Variants in CNTRL observed in about 807,000 individuals in gnomAD.
CNTRL encodes the protein 110 kDa centrosomal protein.
A neutral mutation model predicts 303.7 loss-of-function variants in CNTRL; 233 were observed. That is an observed-to-expected ratio of 0.77 (90% CI 0.69 to 0.86). The LOEUF is 0.86. CNTRL is among the 40% of genes least tolerant of loss of function. CNTRL has a pLI of 0.00. For synonymous variants in CNTRL, 900 were observed against 922.2 expected (o/e 0.98, Z 0.44); for missense variants, 2,524 against 2,650.6 (o/e 0.95, Z 1.05).
In CNTRL at chr9:121,113,549, AT is replaced by A; in HGVS notation, c.1171del (p.Ser391ProfsTer37). On this transcript the variant is annotated frameshift_variant, in exon 10 of 44. Coordinates refer to ENST00000373855, the MANE Select transcript of CNTRL (RefSeq NM_007018.6). LOFTEE classifies it high-confidence loss of function. The stretch of plus-strand genomic sequence containing the variant: ...CAGATGAAAGCCCTTACATTGGCAA[AT>A]CCAGATACAAGAGAAATATGTTTGC... ...APDESPYIGK[S>X]RYKRNMFATE... 1 of 1,606,856 alleles carries A rather than the reference AT, an allele frequency of 6.2e-7. No individual in the cohort carries two copies. Among genetic ancestry groups the A allele is most frequent in the Non-Finnish European group, 8.5e-7 (1 of 1,178,050 alleles).
At position 121,090,922 on chromosome 9, in the gene CNTRL, G is replaced by C. The variant is rs147587775; in HGVS notation, c.348+517G>C. On this transcript the variant is annotated intron_variant, in intron 4 of 43. Coordinates refer to ENST00000373855, the MANE Select transcript of CNTRL (RefSeq NM_007018.6). ...ACGTGGCTGGGGAAGCCTCACAATC[G>C]TGGTGGAAGGCAAAGAGGAGCAAGT... is the stretch of plus-strand genomic sequence containing the variant. 1.3e-3 allele frequency among the ~76,000 whole-genome samples: 203 copies of C among 152,310 alleles called. 2 individuals are homozygous for C. Among genetic ancestry groups the C allele is most frequent in the African/African-American group, 4.5e-3 (185 of 41,562 alleles).
rs140149582 is a variant in CNTRL, at chr9:121,090,388, G to C, written c.331G>C (p.Gly111Arg). ...KSLNLSLSKD[G>R]GKKFKYIENL... ...TCTGAACCTTTCACTTTCTAAAGAC[G>C]GTGGCAAGAAATTTAAGGTAGGTTA... is the stretch of plus-strand genomic sequence containing the variant. The change falls in exon 4 of 44, where the codon GGT (glycine) becomes CGT (arginine). Residue 111 changes from glycine to arginine, a missense_variant. Gly to Arg is a moderately radical substitution (Grantham distance 125, BLOSUM62 -2). Transcript: ENST00000373855. 4 of 1,609,532 alleles carry C rather than the reference G, an allele frequency of 2.5e-6. No individual in the cohort carries two copies. Among genetic ancestry groups the C allele is most frequent in the Non-Finnish European group, 3.4e-6 (4 of 1,178,388 alleles).
At position 121,104,063 on chromosome 9, in the gene CNTRL, G is replaced by A. The variant is rs557006952; in HGVS notation, c.809-3739G>A. Reference sequence around the variant, plus strand: ...GGATTGTAAATCATGCCACTATAAAGACACACGCACACATATGTTTATTGC... The same window carrying A: ...GGATTGTAAATCATGCCACTATAAAAACACACGCACACATATGTTTATTGC... On this transcript the variant is annotated intron_variant, in intron 7 of 43. Transcript: ENST00000373855. Among the ~76,000 whole-genome samples, 14 of 152,296 alleles carry A rather than the reference G, an allele frequency of 9.2e-5. No individual in the cohort carries two copies. In the South Asian group the frequency reaches 2.1e-3, roughly 23 times the overall value.
chr9:121,079,917 G>T (rs929919423), intron 1 of CNTRL, among the ~76,000 whole-genome samples: 1 of 151,910 alleles, frequency 6.6e-6, no homozygotes, highest in Non-Finnish European at 1.5e-5. Context: ...AGGGTGGAGC[G>T]CAGGGGCACG....
Position 121,138,556 on chromosome 9 carries a change from A to G in CNTRL, c.2214A>G (p.Ser738=). 1 of 1,613,832 alleles carries G rather than the reference A, an allele frequency of 6.2e-7. No individual in the cohort carries two copies. Among genetic ancestry groups the G allele is most frequent in the South Asian group, 1.1e-5 (1 of 91,036 alleles). ...KVTRLTQLEQ[S]ALQAELEKER... ...TCCTATGGTGACAGTTAGAACAATC[A>G]GCCCTTCAAGCAGAACTTGAGAAGG... Residue 738 remains serine (S), a synonymous_variant, in exon 16 of 44, where the codon TCA becomes TCG. Transcript: ENST00000373855.
intron 13 of CNTRL, 115 bp from the exon 14 acceptor site, chr9:121,125,601 A>G (rs2050473109): frequency 1.1e-6 from 1 of 903,276 alleles, no homozygotes; most frequent in Non-Finnish European, 1.7e-6. Context: ...AAAAAGAAAA[A>G]TGATAGGAAA....
Position 121,142,187 on chromosome 9 carries a change from C to G in CNTRL, c.2788C>G (p.Gln930Glu), listed in dbSNP as rs1369392108. 3 of 1,612,508 alleles carry G rather than the reference C, an allele frequency of 1.9e-6. No individual in the cohort carries two copies. In the African/African-American group the frequency reaches 4.0e-5, roughly 22 times the overall value. Residue 930 changes from glutamine to glutamate, a missense_variant, in exon 19 of 44, where the codon CAA becomes GAA. Physicochemically the swap from Gln to Glu is conservative, Grantham distance 29. Transcript: ENST00000373855. ...AAATCTAAAAAGTATGGAGGAAATC[C>G]AAGGCCTTACAGATCTCCAACTTCA... ...QENLKSMEEIQGLTDLQLQEA... is the reference protein window; with the variant it reads ...QENLKSMEEIEGLTDLQLQEA...
intron 15 of CNTRL, among the ~76,000 whole-genome samples, chr9:121,137,940 C>T (rs950521068): frequency 1.3e-5 from 2 of 152,104 alleles, no homozygotes; most frequent in Non-Finnish European, 2.9e-5. Context: ...CCCTCAGCAC[C>T]AAGACTGCCA....
At chr9:121,143,749 A>G (rs919656280) in intron 19 of CNTRL, among the ~76,000 whole-genome samples, 154 bp from the exon 20 acceptor site, 2 of 152,226 alleles carry the variant, frequency 1.3e-5, no homozygotes, top group Non-Finnish European at 2.9e-5. Context: ...TTTGAGATCT[A>G]TTATTTATTC....
rs559741979 is a variant in CNTRL, at chr9:121,141,720, C to A, written c.2691+132C>A. 2.1e-3 allele frequency: 1,832 copies of A among 855,838 alleles called. 29 individuals are homozygous for A. The highest frequency in any genetic ancestry group is 0.021 in the South Asian group (1,240 of 59,082). The allele number at this position is 855,838 out of a possible 1,614,324, so 53.0% of individuals were successfully genotyped here. A position where few individuals can be genotyped will look rare whatever the true frequency, so the allele number is the denominator to read the frequency against. On this transcript the variant is annotated intron_variant, in intron 18 of 43. Coordinates refer to ENST00000373855, the MANE Select transcript of CNTRL (RefSeq NM_007018.6). Reference sequence around the variant, plus strand: ...TTATTTTCACTTATAACAAGTCAAGCTGGGTGTGACTAAAACTCAACCCTG... The same window carrying A: ...TTATTTTCACTTATAACAAGTCAAGATGGGTGTGACTAAAACTCAACCCTG...
chr9:121,100,519 G>A (rs1455229385), intron 7 of CNTRL, among the ~76,000 whole-genome samples: 1 of 152,162 alleles, frequency 6.6e-6, no homozygotes, highest in Non-Finnish European at 1.5e-5. Flanking sequence ...AAAATAACCA[G>A]CTAACATCAT....
chr9:121,169,818 T>C lies in CNTRL; in HGVS notation c.6276+2T>C, dbSNP rs748016557. On this transcript the variant is annotated splice_donor_variant, in intron 39 of 43. Coordinates refer to ENST00000373855, the MANE Select transcript of CNTRL (RefSeq NM_007018.6). LOFTEE classifies it high-confidence loss of function. ...AGCCAGCTGGAGAAAAACCTTCTTG[T>C]GAGTACCTGCTGCCGTGGCAGTTTG... is the stretch of plus-strand genomic sequence containing the variant. The C allele has an allele frequency of 6.2e-7, 1 of 1,613,270 alleles. No individual in the cohort carries two copies. Among genetic ancestry groups the C allele is most frequent in the Non-Finnish European group, 8.5e-7 (1 of 1,179,424 alleles).
At chr9:121,118,718 C>T (rs1397857842) in intron 12 of CNTRL, 178 bp downstream of exon 12, 3 of 455,400 alleles carry the variant, frequency 6.6e-6, no homozygotes, top group African/African-American at 2.0e-5. Context: ...TGGATTTAAC[C>T]AACTGCAGAT....
chr9:121,086,559 A>G (rs10985148), intron 2 of CNTRL, among the ~76,000 whole-genome samples: 132,128 of 151,798 alleles, frequency 0.87, 57,640 homozygotes, highest in East Asian at 0.96. Flanking sequence ...AATCTAGAGC[A>G]ATAGGGACAG....
chr9:121,114,662 G>A (rs2049899104), intron 10 of CNTRL, among the ~76,000 whole-genome samples: 1 of 152,158 alleles, frequency 6.6e-6, no homozygotes, highest in Non-Finnish European at 1.5e-5. Context: ...AGAGAGCTCA[G>A]TAGTGAATTT....
chr9:121,092,064 A>AAT (rs1205119445), intron 4 of CNTRL, among the ~76,000 whole-genome samples: 32 of 146,268 alleles, frequency 2.2e-4, no homozygotes, highest in Non-Finnish European at 4.0e-4. Flanking sequence ...CAACGGGCAA[A>AAT]ATATATATAT....
rs576933138 is a variant in CNTRL at position 121,103,410 on chromosome 9, A to G, written c.809-4392A>G. On this transcript the variant is annotated intron_variant, in intron 7 of 43. Transcript: ENST00000373855. ...TACAAAAATTAATTCAAGATGGATT[A>G]AAGACTTAAATGTCAGACCTAAAAC... Among the ~76,000 whole-genome samples the G allele has an allele frequency of 1.4e-4, 21 of 152,394 alleles. No individual in the cohort carries two copies. The South Asian group carries it at 1.7e-3, about 12-fold the overall frequency.
chr9:121,081,866 C>T (rs2048153183), intron 2 of CNTRL, among the ~76,000 whole-genome samples: 1 of 152,194 alleles, frequency 6.6e-6, no homozygotes, highest in Admixed American at 6.5e-5. Flanking sequence ...ATTTTAGCTG[C>T]TCTCCCCTCC....
Position 121,157,874 on chromosome 9 carries a change from CAG to C in CNTRL, c.4633_4634del (p.Glu1545ArgfsTer16), listed in dbSNP as rs759005829. 4.3e-6 allele frequency: 7 copies of C among 1,613,966 alleles called. No individual in the cohort carries two copies. The South Asian group carries it at 6.6e-5, about 15-fold the overall frequency. On this transcript the variant is annotated frameshift_variant, in exon 29 of 44. Transcript: ENST00000373855. LOFTEE classifies it high-confidence loss of function. Reference sequence around the variant, plus strand: ...TTAAGCAAGAAGAAGGAAAAACTGACAGAAGAGTAAGTAAGGCCTCTGTAGGG... The same window carrying C: ...TTAAGCAAGAAGAAGGAAAAACTGACAAGAGTAAGTAAGGCCTCTGTAGGG...
Sources: gnomAD v4.1 joint callset for allele counts (sites outside exome capture counted in the v4.1 genomes callset) on GRCh38, gnomAD v4.1.1 for gene constraint, MANE v1.5 for transcripts, NCBI Gene and HGNC (gene_info 2026-07-23, HGNC 2026-07-21) for gene names.